The following JAM3 variants were observed in gnomAD, a reference collection of about 807,000 sequenced individuals.
JAM3 encodes the protein junctional adhesion molecule 3.
A neutral mutation model predicts 39.4 loss-of-function variants in JAM3; 31 were observed. The ratio of observed to expected loss-of-function variants is 0.79; its 90% CI spans 0.59 to 1.06. The LOEUF (loss-of-function observed/expected upper bound fraction) is 1.06, where lower values mean the gene tolerates loss of function less well. Among genes scored for constraint, JAM3 ranks in the 50% least tolerant of loss-of-function variants. The probability of loss-of-function intolerance (pLI) is 0.00; values close to 1 mark genes in which losing one functional copy is unlikely to be tolerated. For synonymous variants in JAM3, 182 were observed against 148.7 expected (o/e 1.22, Z -1.63); for missense variants, 455 against 391.4 (o/e 1.16, Z -1.37).
rs1413318644 is a variant in JAM3, at chr11:134,081,055, T to A, written c.76+11896T>A. ...CCCCTGCCCTAGAGATTTGTGCAAC[T>A]TTGAACTTGAGAGAGGTGATTTAGG... On this transcript the variant is annotated intron_variant, in intron 1 of 8. Transcript: ENST00000299106. Among the ~76,000 whole-genome samples, 4 of 152,192 alleles carry A rather than the reference T, an allele frequency of 2.6e-5. No individual in the cohort carries two copies. In the South Asian group the frequency reaches 8.3e-4, roughly 32 times the overall value.
At chr11:134,124,267 TGTGA>T in intron 1 of JAM3, 5 of 1,013,606 alleles carry the variant, frequency 4.9e-6, no homozygotes, top group Non-Finnish European at 6.3e-6. Flanking sequence ...CTGGTAGGGT[TGTGA>T]GTTACAAGAA....
rs112307733 is a variant in JAM3, at chr11:134,146,877, T to G, written c.712+832T>G. ...CCACTGTGCCCAGCCAGGAGCATTTTTTGAATCCTTCCCTCCTCCCTATTT... is the reference window on the plus strand; with the variant it reads ...CCACTGTGCCCAGCCAGGAGCATTTGTTGAATCCTTCCCTCCTCCCTATTT... On this transcript the variant is annotated intron_variant, in intron 6 of 8. Transcript: ENST00000299106. Among the ~76,000 whole-genome samples the G allele has an allele frequency of 1.1e-3, 166 of 152,334 alleles. 1 individual carries two copies. Among genetic ancestry groups the G allele is most frequent in the African/African-American group, 3.9e-3 (163 of 41,586 alleles).
At chr11:134,105,615 C>G (rs964936158) in intron 1 of JAM3, among the ~76,000 whole-genome samples, 1 of 152,166 alleles carries the variant, frequency 6.6e-6, no homozygotes, top group Admixed American at 6.5e-5. Flanking sequence ...ATCATCTCAG[C>G]CCAAAATCTC....
At chr11:134,114,295 T>C (rs140048116) in intron 1 of JAM3, among the ~76,000 whole-genome samples, 3,847 of 152,150 alleles carry the variant, frequency 0.025, 170 homozygotes, top group African/African-American at 0.088. Flanking sequence ...ATGGTTTTCT[T>C]CTAGGGTTTT....
chr11:134,103,052 CAT>C (rs1565489267), intron 1 of JAM3, among the ~76,000 whole-genome samples: 2 of 152,228 alleles, frequency 1.3e-5, no homozygotes, highest in South Asian at 2.1e-4. Context: ...CTCCAAGACA[CAT>C]AATTGCCAGA....
intron 1 of JAM3, among the ~76,000 whole-genome samples, chr11:134,080,184 G>A (rs1247500071): frequency 6.6e-6 from 1 of 152,176 alleles, no homozygotes; most frequent in Non-Finnish European, 1.5e-5. Context: ...TAAGTCCACT[G>A]GTGATAAAGA....
intron 6 of JAM3, 124 bp from the exon 7 acceptor site, chr11:134,148,423 G>A (rs1459775604): frequency 7.9e-6 from 9 of 1,138,396 alleles, no homozygotes; most frequent in Non-Finnish European, 1.1e-5. Flanking sequence ...TCTAGCTGGG[G>A]TAGGCCTGAG....
chr11:134,109,081 C>T (rs1027391915), intron 1 of JAM3, among the ~76,000 whole-genome samples: 20 of 152,120 alleles, frequency 1.3e-4, no homozygotes, highest in Non-Finnish European at 1.6e-4. Context: ...CTTAGCCTCC[C>T]GTGTAGCTGG....
At chr11:134,084,633 C>G (rs565689197) in intron 1 of JAM3, among the ~76,000 whole-genome samples, 45 of 152,158 alleles carry the variant, frequency 3.0e-4, no homozygotes, top group Non-Finnish European at 5.1e-4. Flanking sequence ...TGTGCTTGTT[C>G]CTGCCAGTAC....
intron 1 of JAM3, among the ~76,000 whole-genome samples, chr11:134,104,535 C>T (rs1942142984): frequency 6.6e-6 from 1 of 151,870 alleles, no homozygotes; most frequent in Non-Finnish European, 1.5e-5. Context: ...AATAGAGATA[C>T]AAAAAACCCT....
rs11551410 is a variant in JAM3 at position 134,150,823 on chromosome 11, T to G, written c.*1642T>G. On this transcript the variant is annotated 3_prime_UTR_variant, in exon 9 of 9. Coordinates refer to ENST00000299106, the MANE Select transcript of JAM3 (RefSeq NM_032801.5). ...TGTCGCATTTCAAAACAAACCATGA[T>G]GGAGTGGCGGCCAGTCCAGCCTTTT... The G allele has an allele frequency of 6.6e-6, 1 of 152,040 alleles. No individual in the cohort carries two copies. The highest frequency in any genetic ancestry group is 1.9e-4 in the East Asian group (1 of 5,188). The allele number at this position is 152,040 out of a possible 1,614,324, so 9.4% of individuals were successfully genotyped here. A position where few individuals can be genotyped will look rare whatever the true frequency, so the allele number is the denominator to read the frequency against.
At chr11:134,112,873 A>G (rs564646803) in intron 1 of JAM3, among the ~76,000 whole-genome samples, 17 of 152,328 alleles carry the variant, frequency 1.1e-4, no homozygotes, top group Admixed American at 9.2e-4. Flanking sequence ...GAAATAGAGC[A>G]TGAAAATCTT....
At chr11:134,109,162 A>T (rs892042175) in intron 1 of JAM3, among the ~76,000 whole-genome samples, 16 of 151,988 alleles carry the variant, frequency 1.1e-4, no homozygotes, top group African/African-American at 3.9e-4. Flanking sequence ...GAGTTTTACC[A>T]CGTTGGCCAG....
rs549172630 is a variant in JAM3, at chr11:134,106,462, A to G, written c.77-33389A>G. Among the ~76,000 whole-genome samples the G allele has an allele frequency of 2.6e-5, 4 of 152,344 alleles. No homozygotes were observed. In the East Asian group the frequency reaches 7.7e-4, roughly 29 times the overall value. On this transcript the variant is annotated intron_variant, in intron 1 of 8. Transcript: ENST00000299106. ...GCAAGGACTTCATGTCTAAAACACC[A>G]AAAGCAATGGCAACAAAAGCCAAAT...
Position 134,144,804 on chromosome 11 carries a change from C to T in JAM3, c.422C>T (p.Thr141Ile), listed in dbSNP as rs199624537. Residue 141 changes from threonine to isoleucine, a missense_variant, in exon 5 of 9, where the codon ACC becomes ATC. Physicochemically the swap from Thr to Ile is moderately conservative, Grantham distance 89 (BLOSUM62 -1). Coordinates refer to ENST00000299106, the MANE Select transcript of JAM3 (RefSeq NM_032801.5). ...TTTTTCCCCACAGTGAAGCCAGTGA[C>T]CCCTGTCTGTAGAGTGCCGAAGGCT... ...IELTVQVKPV[T>I]PVCRVPKAVP... 5.6e-6 allele frequency: 9 copies of T among 1,614,058 alleles called. No individual in the cohort carries two copies. The East Asian group carries it at 1.8e-4, about 32-fold the overall frequency.
intron 1 of JAM3, among the ~76,000 whole-genome samples, chr11:134,118,984 T>G (rs1942487010): frequency 6.6e-6 from 1 of 151,902 alleles, no homozygotes; most frequent in Non-Finnish European, 1.5e-5. Context: ...TTTTTTTTTT[T>G]TGATACAGAG....
chr11:134,137,640 G>C (rs1328812386), intron 1 of JAM3, among the ~76,000 whole-genome samples: 3 of 152,122 alleles, frequency 2.0e-5, no homozygotes, highest in African/African-American at 7.2e-5. Context: ...ATGGCCAATA[G>C]TCCCTTAGAG....
chr11:134,125,380 C>T (rs192818655), intron 1 of JAM3, among the ~76,000 whole-genome samples: 1 of 152,298 alleles, frequency 6.6e-6, no homozygotes, highest in East Asian at 1.9e-4. Context: ...AATGGGATCT[C>T]CTTTTAGGCT....
intron 1 of JAM3, among the ~76,000 whole-genome samples, chr11:134,120,235 A>G (rs1354345948): frequency 1.3e-5 from 2 of 152,232 alleles, no homozygotes; most frequent in East Asian, 3.8e-4. Flanking sequence ...CTGCCGTTGT[A>G]TGTTTAGGCT....
Sources: allele counts gnomAD v4.1 joint callset (sites outside exome capture counted in the v4.1 genomes callset), GRCh38; gene constraint gnomAD v4.1.1; transcripts MANE v1.5; gene names NCBI Gene and HGNC (gene_info 2026-07-23, HGNC 2026-07-21).